Variants in CSMD1 observed in about 807,000 individuals in gnomAD.
CSMD1 encodes CUB and Sushi multiple domains 1, also known as CUB and sushi domain-containing protein 1.
A neutral mutation model predicts 417.5 loss-of-function variants in CSMD1; 213 were observed. The observed-to-expected ratio is 0.51, with a 90% CI of 0.46 to 0.57. The LOEUF (loss-of-function observed/expected upper bound fraction) is 0.57, where lower values mean the gene tolerates loss of function less well. CSMD1 is among the 20% of genes least tolerant of loss of function. The pLI is 0.00. For missense variants in CSMD1, 6,923 were observed against 4,529.7 expected (o/e 1.53, Z -15.17); for synonymous variants, 2,862 against 1,736.8 (o/e 1.65, Z -16.11).
intron 11 of CSMD1, among the ~76,000 whole-genome samples, chr8:3,491,836 C>A (rs1471003034): frequency 1.3e-5 from 2 of 152,184 alleles, no homozygotes; most frequent in Non-Finnish European, 2.9e-5. Flanking sequence ...GAAACCAGCC[C>A]CACACCACCC....
At position 4,104,708 on chromosome 8, in the gene CSMD1, G is replaced by T. The variant is rs139077456; in HGVS notation, c.416-72609C>A. Among the ~76,000 whole-genome samples, 472 of 152,306 alleles carry T rather than the reference G, an allele frequency of 3.1e-3. 1 individual carries two copies. The highest frequency in any genetic ancestry group is 0.01 in the African/African-American group (430 of 41,566). ...TTCCAGGCGGTTTCACACAATAGCT[G>T]GCAACAGTCCCAAGAGGAACTAGGT... On this transcript the variant is annotated intron_variant, in intron 3 of 69. Transcript: ENST00000635120.
chr8:3,399,565 G>A (rs753778103), intron 15 of CSMD1, 36 bp from the exon 16 acceptor site: 7 of 1,500,620 alleles, frequency 4.7e-6, no homozygotes, highest in Middle Eastern at 1.8e-4. Flanking sequence ...TAGATCCAAT[G>A]AGACAGAAGG....
At chr8:3,989,935 T>G (rs1036603154) in intron 5 of CSMD1, among the ~76,000 whole-genome samples, 2 of 152,104 alleles carry the variant, frequency 1.3e-5, no homozygotes, top group African/African-American at 4.8e-5. Context: ...AGAGAAAAAT[T>G]AGATATTCAT....
intron 3 of CSMD1, among the ~76,000 whole-genome samples, chr8:4,209,475 C>T (rs752107729): frequency 2.2e-4 from 33 of 152,278 alleles, no homozygotes; most frequent in Middle Eastern, 3.4e-3. Flanking sequence ...TGCTAGTTCC[C>T]GAACACTTCC....
chr8:4,155,766 C>G (rs1055678045), intron 3 of CSMD1, among the ~76,000 whole-genome samples: 4 of 152,164 alleles, frequency 2.6e-5, no homozygotes, highest in East Asian at 1.9e-4. Context: ...ATCCCCGGAT[C>G]TTTCCAGTAA....
At chr8:4,378,092 T>C (rs1409780020) in intron 3 of CSMD1, among the ~76,000 whole-genome samples, 1 of 152,238 alleles carries the variant, frequency 6.6e-6, no homozygotes, top group East Asian at 1.9e-4. Flanking sequence ...GTGAAGTAGA[T>C]GCAAAACACA....
intron 5 of CSMD1, among the ~76,000 whole-genome samples, chr8:3,979,579 G>A (rs908971011): frequency 1.3e-5 from 2 of 152,138 alleles, no homozygotes; most frequent in Non-Finnish European, 2.9e-5. Context: ...CAGGAAGATG[G>A]GATCATGAGG....
intron 10 of CSMD1, among the ~76,000 whole-genome samples, chr8:3,541,953 T>G (rs945366669): frequency 6.6e-6 from 1 of 151,902 alleles, no homozygotes; most frequent in Non-Finnish European, 1.5e-5. Flanking sequence ...GAGGTGGAGG[T>G]TGGAGTGAGC....
intron 49 of CSMD1, among the ~76,000 whole-genome samples, chr8:3,083,202 G>GT (rs922162432): frequency 1.3e-5 from 2 of 151,978 alleles, no homozygotes; most frequent in Middle Eastern, 3.4e-3. Context: ...AAAAATGCTA[G>GT]TTTTTTTAAA....
intron 1 of CSMD1, among the ~76,000 whole-genome samples, chr8:4,892,555 A>G (rs1804189656): frequency 1.3e-5 from 2 of 152,136 alleles, no homozygotes; most frequent in South Asian, 2.1e-4. Flanking sequence ...AGCGTTAGGT[A>G]TTGCCTAATT....
intron 4 of CSMD1, among the ~76,000 whole-genome samples, chr8:4,023,031 A>T (rs975620398): frequency 1.3e-5 from 2 of 152,220 alleles, no homozygotes; most frequent in Non-Finnish European, 2.9e-5. Flanking sequence ...CTTCTTCCTG[A>T]GCTCACAGAT....
intron 1 of CSMD1, among the ~76,000 whole-genome samples, chr8:4,980,859 G>A (rs545091835): frequency 6.6e-5 from 10 of 151,646 alleles, no homozygotes; most frequent in South Asian, 2.1e-4. Context: ...AGCGAAGATC[G>A]CACCACTGCA....
At chr8:3,433,472 G>A (rs1016398617) in intron 12 of CSMD1, among the ~76,000 whole-genome samples, 17 of 152,134 alleles carry the variant, frequency 1.1e-4, no homozygotes, top group Non-Finnish European at 2.2e-4. Context: ...GGTTGGTGTT[G>A]TGTGGTGTGG....
intron 5 of CSMD1, among the ~76,000 whole-genome samples, chr8:3,775,075 G>C (rs1798827412): frequency 6.6e-6 from 1 of 152,078 alleles, no homozygotes; most frequent in African/African-American, 2.4e-5. Context: ...CTTACGAATT[G>C]TTTGTTTCTG....
intron 10 of CSMD1, among the ~76,000 whole-genome samples, chr8:3,539,198 C>T (rs1798336266): frequency 6.6e-6 from 1 of 152,124 alleles, no homozygotes; most frequent in Non-Finnish European, 1.5e-5. Flanking sequence ...TAATTTAGGT[C>T]TGGAAGGATG....
intron 29 of CSMD1, among the ~76,000 whole-genome samples, chr8:3,215,254 A>G (rs1170031214): frequency 1.3e-5 from 2 of 152,242 alleles, no homozygotes; most frequent in Admixed American, 1.3e-4. Flanking sequence ...TTACTACCGT[A>G]TTTCTGTTGT....
chr8:4,004,691 A>G (rs1292485440), intron 4 of CSMD1, among the ~76,000 whole-genome samples: 4 of 152,142 alleles, frequency 2.6e-5, no homozygotes, highest in Non-Finnish European at 5.9e-5. Context: ...TCAGCTGGTT[A>G]GGTTACAAAG....
chr8:4,279,090 T>C (rs1464151776), intron 3 of CSMD1, among the ~76,000 whole-genome samples: 1 of 152,212 alleles, frequency 6.6e-6, no homozygotes, highest in African/African-American at 2.4e-5. Context: ...TTCCTAATTT[T>C]TTTTTAAAAA....
At chr8:4,139,010 G>GGTAGC (rs1803610361) in intron 3 of CSMD1, among the ~76,000 whole-genome samples, 2 of 152,160 alleles carry the variant, frequency 1.3e-5, no homozygotes, top group Non-Finnish European at 2.9e-5. Flanking sequence ...GCCACATGCA[G>GGTAGC]AAAGGACATA....
Sources: gnomAD v4.1 joint callset for allele counts (sites outside exome capture counted in the v4.1 genomes callset) on GRCh38, gnomAD v4.1.1 for gene constraint, MANE v1.5 for transcripts, NCBI Gene and HGNC (gene_info 2026-07-23, HGNC 2026-07-21) for gene names.